Variants in ALPK1 observed in about 807,000 individuals in gnomAD.
ALPK1 encodes alpha kinase 1.
Under a neutral mutation model 120.6 loss-of-function variants are expected in ALPK1, and 110 were observed. That is an observed-to-expected ratio of 0.91 (90% CI 0.78 to 1.07). ALPK1 has a LOEUF of 1.07. Among genes scored for constraint, ALPK1 ranks in the 50% least tolerant of loss-of-function variants. The pLI, the probability that ALPK1 is intolerant of heterozygous loss-of-function variation, is 0.00. For missense variants in ALPK1, 1,498 were observed against 1,483.9 expected (o/e 1.01, Z -0.16); for synonymous variants, 582 against 560.3 (o/e 1.04, Z -0.55).
In ALPK1 at chr4:112,439,887, G is replaced by A. The variant is rs1044606643; in HGVS notation, c.3538+15G>A. The A allele has an allele frequency of 4.5e-6, 7 of 1,556,306 alleles. No individual in the cohort carries two copies. The Middle Eastern group carries it at 9.4e-4, about 209-fold the overall frequency. ...CGATTTACAAGGTATGTGAAACTGG[G>A]AATTATTTTTATTTTTAATATTATA... On this transcript the variant is annotated intron_variant, in intron 14 of 15. Transcript: ENST00000650871.
At chr4:112,320,607 T>A (rs953903919) in intron 2 of ALPK1, among the ~76,000 whole-genome samples, 3 of 152,190 alleles carry the variant, frequency 2.0e-5, no homozygotes, top group Admixed American at 6.5e-5. Context: ...ATAGTTTCAA[T>A]AGGATTGGTA....
intron 1 of ALPK1, among the ~76,000 whole-genome samples, chr4:112,308,646 C>T (rs1728238600): frequency 6.6e-6 from 1 of 151,990 alleles, no homozygotes. Context: ...GTTAGCCATT[C>T]GTCTAATCTT....
chr4:112,385,961 A>G (rs1329179394), intron 4 of ALPK1, among the ~76,000 whole-genome samples: 1 of 152,194 alleles, frequency 6.6e-6, no homozygotes, highest in Non-Finnish European at 1.5e-5. Flanking sequence ...TCAAATAAGC[A>G]TTGTACTCAG....
intron 4 of ALPK1, chr4:112,384,819 T>C (rs989718665): frequency 6.6e-6 from 1 of 151,634 alleles, no homozygotes; most frequent in African/African-American, 2.4e-5. Flanking sequence ...GTGAGAAGGC[T>C]GTAGGAGACC....
At chr4:112,387,700 T>C (rs186017326) in intron 4 of ALPK1, among the ~76,000 whole-genome samples, 163 of 152,312 alleles carry the variant, frequency 1.1e-3, no homozygotes, top group African/African-American at 3.8e-3. Flanking sequence ...TAATAATAAA[T>C]GTTGAGTTGT....
At chr4:112,389,147 C>T (rs1019553476) in intron 4 of ALPK1, among the ~76,000 whole-genome samples, 2 of 151,532 alleles carry the variant, frequency 1.3e-5, no homozygotes, top group East Asian at 3.9e-4. Flanking sequence ...CGGATTCAAG[C>T]GATTCTCCTG....
At chr4:112,321,982 G>A (rs1420362903) in intron 2 of ALPK1, among the ~76,000 whole-genome samples, 3 of 151,872 alleles carry the variant, frequency 2.0e-5, no homozygotes. Context: ...CCAGTAGAGG[G>A]CGGCAGTGAG....
chr4:112,357,946 GC>G (rs916519547), intron 2 of ALPK1: 3 of 801,416 alleles, frequency 3.7e-6, no homozygotes, highest in Non-Finnish European at 6.5e-6. Flanking sequence ...AGCAAGGATT[GC>G]CTCCCCCGGG....
At chr4:112,332,928 A>C (rs1729448389) in intron 2 of ALPK1, among the ~76,000 whole-genome samples, 1 of 152,164 alleles carries the variant, frequency 6.6e-6, no homozygotes. Context: ...GGGGAATGCT[A>C]AAAGGAAGCC....
In ALPK1 at chr4:112,418,213, G is replaced by A. The variant is rs113675692; in HGVS notation, c.476-5731G>A. On this transcript the variant is annotated intron_variant, in intron 5 of 15. Transcript: ENST00000650871. ...AGAAGGCACAGACATGGCTCGCCGC[G>A]TGGCAGAGAAGTCACCAAGGTTCCA... Among the ~76,000 whole-genome samples, 372 of 152,298 alleles carry A rather than the reference G, an allele frequency of 2.4e-3. 2 individuals are homozygous for A. The highest frequency in any genetic ancestry group is 7.5e-3 in the African/African-American group (313 of 41,562).
At chr4:112,425,971 T>C in intron 7 of ALPK1, 1 of 399,420 alleles carries the variant, frequency 2.5e-6, no homozygotes, top group Non-Finnish European at 4.6e-6. Flanking sequence ...AGGTTCACGG[T>C]TGTATATTGT....
chr4:112,309,487 C>G (rs751705306), intron 1 of ALPK1, among the ~76,000 whole-genome samples: 1 of 152,106 alleles, frequency 6.6e-6, no homozygotes, highest in African/African-American at 2.4e-5. Context: ...CCCTGCAGTT[C>G]GATCTCAGAC....
chr4:112,325,291 A>G (rs1011664880), intron 2 of ALPK1, among the ~76,000 whole-genome samples: 1 of 152,202 alleles, frequency 6.6e-6, no homozygotes, highest in Non-Finnish European at 1.5e-5. Flanking sequence ...CACTATTCCC[A>G]TTTACCAGCC....
At chr4:112,329,717 G>C (rs1729276836) in intron 2 of ALPK1, among the ~76,000 whole-genome samples, 2 of 152,196 alleles carry the variant, frequency 1.3e-5, no homozygotes, top group African/African-American at 4.8e-5. Context: ...GTCCAAATAA[G>C]AGCAGGAATC....
intron 2 of ALPK1, among the ~76,000 whole-genome samples, chr4:112,352,430 G>T (rs921075299): frequency 2.6e-5 from 4 of 152,238 alleles, no homozygotes; most frequent in South Asian, 2.1e-4. Context: ...ATGGGAGATT[G>T]GTTCCAGGAT....
Position 112,430,870 on chromosome 4 carries a change from G to C in ALPK1, c.1323G>C (p.Leu441Phe), listed in dbSNP as rs138466451. The stretch of plus-strand genomic sequence containing the variant: ...TTCCCGAGAGTTTCGAGTGCAGGTT[G>C]GATAAACTTATCTTGCATGGGCAAG... ...SYVPESFECR[L>F]DKLILHGQGD... Residue 441 changes from leucine to phenylalanine, a missense_variant, in exon 11 of 16, where the codon TTG becomes TTC. By Grantham distance (22) the Leu-to-Phe change is conservative. Transcript: ENST00000650871. 4.3e-6 allele frequency: 7 copies of C among 1,613,992 alleles called. No homozygotes were observed. In the African/African-American group the frequency reaches 9.3e-5, roughly 22 times the overall value.
intron 1 of ALPK1, among the ~76,000 whole-genome samples, chr4:112,297,976 A>AT (rs1727616947): frequency 6.6e-6 from 1 of 152,202 alleles, no homozygotes; most frequent in African/African-American, 2.4e-5. Context: ...CTCGTCTCAT[A>AT]TGGGTGAATT....
intron 5 of ALPK1, 110 bp downstream of exon 5, chr4:112,412,135 C>A: frequency 7.3e-7 from 1 of 1,372,510 alleles, no homozygotes; most frequent in South Asian, 1.2e-5. Flanking sequence ...GCCCTGCGTG[C>A]CATCTTTCCG....
chr4:112,422,007 C>T lies in ALPK1; in HGVS notation c.476-1937C>T, dbSNP rs901426871. Reference sequence around the variant, plus strand: ...TTTGCGGCCATTGTTAAGTAAAATACGGGTGACTTGAACACAAGCACTGCA... The same window carrying T: ...TTTGCGGCCATTGTTAAGTAAAATATGGGTGACTTGAACACAAGCACTGCA... On this transcript the variant is annotated intron_variant, in intron 5 of 15. Transcript: ENST00000650871. 9.9e-5 allele frequency among the ~76,000 whole-genome samples: 15 copies of T among 152,216 alleles called. No homozygotes were observed. The South Asian group carries it at 1.5e-3, about 15-fold the overall frequency.
Sources: allele counts gnomAD v4.1 joint callset (sites outside exome capture counted in the v4.1 genomes callset), GRCh38; gene constraint gnomAD v4.1.1; transcripts MANE v1.5; gene names NCBI Gene and HGNC (gene_info 2026-07-23, HGNC 2026-07-21).